Variants in CACNA2D3 observed in about 807,000 individuals in gnomAD.
The protein encoded by CACNA2D3 is voltage-dependent calcium channel subunit alpha-2/delta-3.
Under a neutral mutation model 160.6 loss-of-function variants are expected in CACNA2D3, and 60 were observed. The observed-to-expected ratio is 0.37, with a 90% CI of 0.30 to 0.46. The LOEUF is 0.46. Ranked by LOEUF, CACNA2D3 falls within the 20% of genes least tolerant of loss-of-function variation. The pLI is 1.00. For missense variants in CACNA2D3, 1,205 were observed against 1,365.0 expected (o/e 0.88, Z 1.85); for synonymous variants, 558 against 492.9 (o/e 1.13, Z -1.75).
At chr3:54,872,572 C>T (rs1311610879) in intron 18 of CACNA2D3, among the ~76,000 whole-genome samples, 1 of 152,174 alleles carries the variant, frequency 6.6e-6, no homozygotes, top group Non-Finnish European at 1.5e-5. Context: ...CTCATGCCTT[C>T]CAGAACAGGG....
intron 3 of CACNA2D3, among the ~76,000 whole-genome samples, chr3:54,325,949 T>C (rs1704112683): frequency 6.6e-6 from 1 of 152,198 alleles, no homozygotes; most frequent in African/African-American, 2.4e-5. Context: ...AATAAATACC[T>C]TTGCTTGTTG....
chr3:54,543,348 C>T (rs1017175409), intron 5 of CACNA2D3, among the ~76,000 whole-genome samples: 1 of 152,202 alleles, frequency 6.6e-6, no homozygotes, highest in East Asian at 1.9e-4. Context: ...AGGATTTTAA[C>T]AGTGGTTCTC....
chr3:54,361,977 T>TGA (rs1442332220), intron 3 of CACNA2D3, among the ~76,000 whole-genome samples: 1 of 152,208 alleles, frequency 6.6e-6, no homozygotes. Flanking sequence ...ACCATCAACA[T>TGA]GAGCGTTAAC....
At chr3:54,731,656 A>T (rs1009239880) in intron 11 of CACNA2D3, among the ~76,000 whole-genome samples, 1 of 152,086 alleles carries the variant, frequency 6.6e-6, no homozygotes, top group Non-Finnish European at 1.5e-5. Flanking sequence ...TTCTGTCTTT[A>T]CTGGGGCAGA....
At chr3:54,367,660 C>T (rs887600715) in intron 3 of CACNA2D3, 2 of 260,150 alleles carry the variant, frequency 7.7e-6, no homozygotes, top group South Asian at 3.2e-5. Flanking sequence ...TAACTTAGTG[C>T]CCAGTAGAGC....
At chr3:55,027,069 T>C (rs1703578724) in intron 35 of CACNA2D3, among the ~76,000 whole-genome samples, 1 of 152,170 alleles carries the variant, frequency 6.6e-6, no homozygotes, top group Admixed American at 6.5e-5. Flanking sequence ...CCTCTTCTTT[T>C]TAGAGATTAG....
At chr3:54,728,258 T>G (rs564753370) in intron 11 of CACNA2D3, among the ~76,000 whole-genome samples, 68 of 152,264 alleles carry the variant, frequency 4.5e-4, no homozygotes, top group African/African-American at 1.4e-3. Flanking sequence ...ATTTTTTGCT[T>G]CTTCTTTGTT....
intron 2 of CACNA2D3, among the ~76,000 whole-genome samples, chr3:54,260,869 C>T (rs1702389551): frequency 6.6e-6 from 1 of 152,162 alleles, no homozygotes. Context: ...AGGAGCTTGC[C>T]ATAACCAGGC....
chr3:54,423,893 ATT>A lies in CACNA2D3; in HGVS notation c.381+37134_381+37135del, dbSNP rs11336791. ...CTTCTGTTGCCATCTTGAAATTCTT[ATT>A]TTTTTTTTTTTTTTGAGACAGGGTC... On this transcript the variant is annotated intron_variant, in intron 4 of 37. Transcript: ENST00000474759. Among the ~76,000 whole-genome samples, 442 of 135,208 alleles carry A rather than the reference ATT, an allele frequency of 3.3e-3. 3 individuals are homozygous for A. The highest frequency in any genetic ancestry group is 9.6e-3 in the African/African-American group (353 of 36,650). 88.7% of individuals were successfully genotyped at this position (135,208 alleles called of 152,430 possible).
chr3:54,262,022 A>T (rs543592888), intron 2 of CACNA2D3, among the ~76,000 whole-genome samples: 1 of 152,140 alleles, frequency 6.6e-6, no homozygotes, highest in African/African-American at 2.4e-5. Flanking sequence ...GCAGTTGGGG[A>T]TAGGGGTTTT....
chr3:54,461,467 C>G (rs1016280626), intron 4 of CACNA2D3, among the ~76,000 whole-genome samples: 3 of 151,392 alleles, frequency 2.0e-5, no homozygotes, highest in African/African-American at 7.3e-5. Flanking sequence ...TGTTATTGGT[C>G]TATTCAGAGA....
At chr3:54,741,822 A>G (rs1025763312) in intron 11 of CACNA2D3, among the ~76,000 whole-genome samples, 1 of 151,978 alleles carries the variant, frequency 6.6e-6, no homozygotes, top group Non-Finnish European at 1.5e-5. Flanking sequence ...CTATTTTTTT[A>G]GGAGAGTTTT....
intron 2 of CACNA2D3, among the ~76,000 whole-genome samples, chr3:54,228,204 T>G (rs1383790394): frequency 6.6e-6 from 1 of 152,162 alleles, no homozygotes; most frequent in Non-Finnish European, 1.5e-5. Context: ...ATTTTATAGA[T>G]GAGAAAACTG....
chr3:54,789,600 T>C (rs2106643047), intron 13 of CACNA2D3, among the ~76,000 whole-genome samples: 1 of 152,320 alleles, frequency 6.6e-6, no homozygotes, highest in East Asian at 1.9e-4. Flanking sequence ...CAAACTGTTT[T>C]GCCAAGCTTG....
chr3:54,210,175 G>A (rs1248390134), intron 2 of CACNA2D3, among the ~76,000 whole-genome samples: 1 of 152,208 alleles, frequency 6.6e-6, no homozygotes, highest in Non-Finnish European at 1.5e-5. Flanking sequence ...GTGGGGTGGT[G>A]GGGAGAGGAG....
At chr3:55,071,570 T>TG in intron 35 of CACNA2D3, among the ~76,000 whole-genome samples, 1 of 152,284 alleles carries the variant, frequency 6.6e-6, no homozygotes, top group Middle Eastern at 3.4e-3. Context: ...TTTACTCTGT[T>TG]TCTTCATCTT....
At chr3:54,589,432 G>GA (rs58892511) in intron 9 of CACNA2D3, among the ~76,000 whole-genome samples, 2,621 of 148,210 alleles carry the variant, frequency 0.018, 65 homozygotes, top group African/African-American at 0.057. Context: ...GACATTTTCT[G>GA]AAAAAAAAAA....
chr3:54,171,268 G>GGA (rs1700564117), intron 2 of CACNA2D3, among the ~76,000 whole-genome samples: 1 of 151,132 alleles, frequency 6.6e-6, no homozygotes, highest in Non-Finnish European at 1.5e-5. Flanking sequence ...AGGAGCCCAA[G>GGA]GAAGAGCTTT....
At chr3:54,363,730 A>G (rs969372323) in intron 3 of CACNA2D3, among the ~76,000 whole-genome samples, 5 of 152,222 alleles carry the variant, frequency 3.3e-5, no homozygotes, top group African/African-American at 4.8e-5. Context: ...TGGGTGGCAG[A>G]TCACCAAAAC....
Sources: gnomAD v4.1 joint callset for allele counts (sites outside exome capture counted in the v4.1 genomes callset) on GRCh38, gnomAD v4.1.1 for gene constraint, MANE v1.5 for transcripts, NCBI Gene and HGNC (gene_info 2026-07-23, HGNC 2026-07-21) for gene names.